The following NRP2 variants were observed in gnomAD, a reference collection of about 807,000 sequenced individuals.
NRP2 encodes the protein neuropilin 2.
A neutral mutation model predicts 110.4 loss-of-function variants in NRP2; 52 were observed. The ratio of observed to expected loss-of-function variants is 0.47; its 90% CI spans 0.38 to 0.59. The LOEUF (loss-of-function observed/expected upper bound fraction) is 0.59. Among genes scored for constraint, NRP2 ranks in the 20% least tolerant of loss-of-function variants. NRP2 has a pLI of 0.00. For synonymous variants in NRP2, 508 were observed against 468.9 expected, an observed-to-expected ratio of 1.08 and a Z score of -1.08; for missense variants, 1,049 against 1,203.0, an observed-to-expected ratio of 0.87 and a Z score of 1.89.
intron 12 of NRP2, among the ~76,000 whole-genome samples, chr2:205,758,562 C>T (rs1304134339): frequency 6.6e-6 from 1 of 152,212 alleles, no homozygotes; most frequent in Admixed American, 6.5e-5. Flanking sequence ...GTCCTCTGTA[C>T]TTCCTCTTCA....
At chr2:205,744,979 C>T (rs771015446) in intron 9 of NRP2, among the ~76,000 whole-genome samples, 5 of 152,194 alleles carry the variant, frequency 3.3e-5, no homozygotes, top group Non-Finnish European at 5.9e-5. Flanking sequence ...GGACGCAGGG[C>T]ATCCTGAAAA....
intron 15 of NRP2, among the ~76,000 whole-genome samples, chr2:205,789,668 C>A (rs948412534): frequency 6.6e-6 from 1 of 152,198 alleles, no homozygotes; most frequent in South Asian, 2.1e-4. Flanking sequence ...CTCCCAGAGG[C>A]CGGTAGCTTT....
intron 12 of NRP2, among the ~76,000 whole-genome samples, chr2:205,755,471 T>G (rs1255621225): frequency 3.3e-5 from 5 of 152,200 alleles, no homozygotes; most frequent in African/African-American, 1.2e-4. Context: ...AGCCCTTCCC[T>G]CTATCCTCTG....
At chr2:205,735,635 A>T (rs2105850746) in intron 7 of NRP2, among the ~76,000 whole-genome samples, 1 of 150,920 alleles carries the variant, frequency 6.6e-6, no homozygotes, top group East Asian at 2.0e-4. Flanking sequence ...TAACAACCAA[A>T]CTGGGATGCT....
At chr2:205,706,323 G>A (rs573949755) in intron 2 of NRP2, among the ~76,000 whole-genome samples, 165 of 152,228 alleles carry the variant, frequency 1.1e-3, no homozygotes, top group Admixed American at 3.1e-3. Context: ...GAGAGTGAAC[G>A]AGGGGGGAAA....
chr2:205,706,278 G>A (rs1391478421), intron 2 of NRP2, among the ~76,000 whole-genome samples: 9 of 152,054 alleles, frequency 5.9e-5, no homozygotes, highest in Admixed American at 2.0e-4. Flanking sequence ...TAAACAGTCC[G>A]TGGCCGAGCT....
At chr2:205,698,222 A>T (rs533350713) in intron 2 of NRP2, among the ~76,000 whole-genome samples, 393 of 87,016 alleles carry the variant, frequency 4.5e-3, no homozygotes, top group African/African-American at 0.014. Flanking sequence ...AAAAAAGGGT[A>T]AAAAAAAAAA....
chr2:205,794,995 G>T lies in NRP2; in HGVS notation c.2718G>T (p.Glu906Asp), dbSNP rs2058339536. 1 of 1,614,052 alleles carries T rather than the reference G, an allele frequency of 6.2e-7. No individual in the cohort carries two copies. Among genetic ancestry groups the T allele is most frequent in the Non-Finnish European group, 8.5e-7 (1 of 1,180,048 alleles). The part of the protein sequence containing the change: ...SCTTLENYNF[E>D]LYDGLKHKVK... ...CCACACTGGAGAACTACAACTTCGAGCTCTACGATGGCCTTAAGCACAAGG... is the reference window on the plus strand; with the variant it reads ...CCACACTGGAGAACTACAACTTCGATCTCTACGATGGCCTTAAGCACAAGG... Residue 906 changes from glutamate to aspartate, a missense_variant, in exon 17 of 17, where the codon GAG (glutamate) becomes GAT (aspartate). Physicochemically the swap from Glu to Asp is conservative, Grantham distance 45 (BLOSUM62 2). Transcript: ENST00000357785.
Position 205,682,999 on chromosome 2 carries a change from CTT to C in NRP2, c.-290_-289del, listed in dbSNP as rs2056049079. 3 of 395,418 alleles carry C rather than the reference CTT, an allele frequency of 7.6e-6. No individual in the cohort carries two copies. In the East Asian group the frequency reaches 1.5e-4, roughly 20 times the overall value. The allele number at this position is 395,418 out of a possible 1,614,324, so 24.5% of individuals were successfully genotyped here. A position where few individuals can be genotyped will look rare whatever the true frequency, so the allele number is the denominator to read the frequency against. ...TATTTGTAGGATAAAGGAAATGACA[CTT>C]TGAGGAACTGGAGAGAACATATATG... On this transcript the variant is annotated 5_prime_UTR_variant, in exon 1 of 17. It removes the in-frame stop codon of an upstream open reading frame in the 5' UTR. Coordinates refer to ENST00000357785, the MANE Select transcript of NRP2 (RefSeq NM_003872.3). This position sits in a 1 kb window ranked among gnomAD's most constrained non-coding sequence, Gnocchi z 4.3.
At chr2:205,772,778 G>A (rs547293228) in intron 15 of NRP2, among the ~76,000 whole-genome samples, 1 of 152,112 alleles carries the variant, frequency 6.6e-6, no homozygotes, top group Non-Finnish European at 1.5e-5. Context: ...TGGCTGAAGG[G>A]GCAAGTGAAG....
intron 7 of NRP2, among the ~76,000 whole-genome samples, chr2:205,731,982 A>C (rs2057249281): frequency 6.6e-6 from 1 of 152,214 alleles, no homozygotes; most frequent in Admixed American, 6.5e-5. Flanking sequence ...GGGACTAGGA[A>C]ACTGGAGCCT....
chr2:205,716,830 A>C (rs1032923113), intron 3 of NRP2, among the ~76,000 whole-genome samples: 2 of 152,118 alleles, frequency 1.3e-5, no homozygotes, highest in African/African-American at 4.8e-5. Context: ...GACCTCCCAA[A>C]TGGGGTCACA....
intron 14 of NRP2, 127 bp from the exon 15 acceptor site, chr2:205,766,656 C>T: frequency 1.2e-6 from 1 of 821,730 alleles, no homozygotes. Context: ...GGGCCCTCTC[C>T]ATGGAGTGGT....
At chr2:205,707,679 G>A (rs1448438326) in intron 2 of NRP2, among the ~76,000 whole-genome samples, 2 of 152,204 alleles carry the variant, frequency 1.3e-5, no homozygotes, top group Non-Finnish European at 2.9e-5. Flanking sequence ...TTCTGTTGCT[G>A]TGGTGGATTC....
chr2:205,749,728 C>T lies in NRP2; in HGVS notation c.1790C>T (p.Ser597Phe). 6.2e-7 allele frequency: 1 copy of T among 1,613,960 alleles called. No homozygotes were observed. The highest frequency in any genetic ancestry group is 8.5e-7 in the Non-Finnish European group (1 of 1,179,840). Residue 597 changes from serine (S) to phenylalanine (F), a missense_variant, in exon 11 of 17, where the codon TCC becomes TTC. By Grantham distance (155) the Ser-to-Phe change is radical. Transcript: ENST00000357785. ...LEVLGCDWTD[S>F]KPTVETLGPT... ...ATCTTCCTTTGCCCTTACACAGACT[C>T]CAAGCCCACGGTAGAGACGCTGGGA... is the stretch of plus-strand genomic sequence containing the variant.
At chr2:205,785,237 G>A (rs1283808466) in intron 15 of NRP2, among the ~76,000 whole-genome samples, 3 of 152,134 alleles carry the variant, frequency 2.0e-5, no homozygotes, top group Non-Finnish European at 2.9e-5. Context: ...GTCCAAGGTT[G>A]TACCAAACCA....
At chr2:205,729,084 C>A (rs1206895707) in intron 7 of NRP2, among the ~76,000 whole-genome samples, 1 of 152,234 alleles carries the variant, frequency 6.6e-6, no homozygotes, top group Non-Finnish European at 1.5e-5. Context: ...AAGGGAATCT[C>A]CTCAGCCCCT....
chr2:205,709,584 A>C (rs2056757074), intron 2 of NRP2, among the ~76,000 whole-genome samples: 2 of 152,246 alleles, frequency 1.3e-5, no homozygotes, highest in South Asian at 4.1e-4. Context: ...GGGTCTGTCC[A>C]CAAAGCCCAC....
chr2:205,761,255 T>C (rs893122075), intron 12 of NRP2, among the ~76,000 whole-genome samples: 2 of 152,214 alleles, frequency 1.3e-5, no homozygotes, highest in Non-Finnish European at 1.5e-5. Context: ...CATTCATTCA[T>C]AGAAACAAAA....
Sources: allele counts gnomAD v4.1 joint callset (sites outside exome capture counted in the v4.1 genomes callset), GRCh38; gene constraint gnomAD v4.1.1; non-coding constraint Gnocchi (gnomAD v3.1); transcripts MANE v1.5; gene names NCBI Gene and HGNC (gene_info 2026-07-23, HGNC 2026-07-21).